Variants in RBM47 observed in about 807,000 individuals in gnomAD.
RBM47 encodes RNA-binding protein 47.
A neutral mutation model predicts 47.1 loss-of-function variants in RBM47; 21 were observed. The ratio of observed to expected loss-of-function variants is 0.45; its 90% CI spans 0.32 to 0.64. The LOEUF is 0.64. Among genes scored for constraint, RBM47 ranks in the 30% least tolerant of loss-of-function variants. The pLI is 0.05. For missense variants in RBM47, 708 were observed against 870.9 expected, an observed-to-expected ratio of 0.81 and a Z score of 2.35; for synonymous variants, 375 against 361.7, an observed-to-expected ratio of 1.04 and a Z score of -0.42.
intron 1 of RBM47, among the ~76,000 whole-genome samples, chr4:40,602,062 A>G (rs555021892): frequency 6.6e-6 from 1 of 152,072 alleles, no homozygotes; most frequent in East Asian, 1.9e-4. Context: ...CCAGCTACTC[A>G]GGGGCTGAGG....
At chr4:40,599,610 A>C (rs1735057687) in intron 1 of RBM47, among the ~76,000 whole-genome samples, 1 of 152,098 alleles carries the variant, frequency 6.6e-6, no homozygotes, top group African/African-American at 2.4e-5. Flanking sequence ...TTGAAATGTA[A>C]GAAGTCCAAC....
chr4:40,604,465 A>T (rs549511356), intron 1 of RBM47, among the ~76,000 whole-genome samples: 6 of 152,212 alleles, frequency 3.9e-5, no homozygotes, highest in African/African-American at 1.4e-4. Flanking sequence ...TGTCTAAAAA[A>T]TTGTTTTAAA....
At chr4:40,495,657 C>T (rs866595930) in intron 2 of RBM47, among the ~76,000 whole-genome samples, 16 of 151,934 alleles carry the variant, frequency 1.1e-4, no homozygotes, top group Admixed American at 6.6e-4. Flanking sequence ...CTGAAAAGGA[C>T]ATTTAATAAT....
intron 3 of RBM47, among the ~76,000 whole-genome samples, chr4:40,461,229 C>T (rs1717102381): frequency 6.6e-6 from 1 of 152,184 alleles, no homozygotes; most frequent in Non-Finnish European, 1.5e-5. Flanking sequence ...GTACTCTGTA[C>T]TTTCACTGAG....
intron 1 of RBM47, among the ~76,000 whole-genome samples, chr4:40,563,454 A>G (rs991269257): frequency 6.6e-6 from 1 of 152,194 alleles, no homozygotes; most frequent in African/African-American, 2.4e-5. Context: ...AGGATGACCC[A>G]TGGCCCGCAT....
intron 2 of RBM47, among the ~76,000 whole-genome samples, chr4:40,504,267 T>C (rs1723784026): frequency 6.6e-6 from 1 of 151,172 alleles, no homozygotes; most frequent in Non-Finnish European, 1.5e-5. Flanking sequence ...GGAAGGGAAA[T>C]GGTATCTCTC....
At chr4:40,528,711 G>C (rs1727016390) in intron 2 of RBM47, among the ~76,000 whole-genome samples, 1 of 152,138 alleles carries the variant, frequency 6.6e-6, no homozygotes, top group Non-Finnish European at 1.5e-5. Flanking sequence ...GTTGCAGTGA[G>C]CCGAGATCGT....
At chr4:40,535,693 G>A (rs537636326) in intron 2 of RBM47, among the ~76,000 whole-genome samples, 21 of 152,174 alleles carry the variant, frequency 1.4e-4, no homozygotes, top group Middle Eastern at 3.4e-3. Context: ...CCGAGTAGCT[G>A]GGATTACCAG....
chr4:40,519,158 C>A (rs1393967865), intron 2 of RBM47, among the ~76,000 whole-genome samples: 1 of 152,010 alleles, frequency 6.6e-6, no homozygotes, highest in African/African-American at 2.4e-5. Context: ...CTACAGTGAG[C>A]CAAGATCACA....
In RBM47 at chr4:40,496,329, A is replaced by AACAC. The variant is rs10597716; in HGVS notation, c.-154-29634_-154-29631dup. Among the ~76,000 whole-genome samples, 748 of 129,288 alleles carry AACAC rather than the reference A, an allele frequency of 5.8e-3. 6 individuals carry two copies. The highest frequency in any genetic ancestry group is 0.026 in the East Asian group (116 of 4,438). The allele number at this position is 129,288 out of a possible 152,430, so 84.8% of individuals were successfully genotyped here. The stretch of plus-strand genomic sequence containing the variant: ...TTCTGTATCTTGGCTGGAGAACTTA[A>AACAC]ACACACACACACACACACACACACA... On this transcript the variant is annotated intron_variant, in intron 2 of 6. Coordinates refer to ENST00000295971, the MANE Select transcript of RBM47 (RefSeq NM_001098634.2).
At chr4:40,552,053 A>T (rs749570685) in intron 1 of RBM47, among the ~76,000 whole-genome samples, 8 of 152,168 alleles carry the variant, frequency 5.3e-5, no homozygotes, top group Non-Finnish European at 1.0e-4. Context: ...CCATCTTTAT[A>T]CAAGACCTTG....
chr4:40,478,009 CTTTTTTTTTTTTT>C (rs1194806938), intron 2 of RBM47, among the ~76,000 whole-genome samples: 8 of 86,412 alleles, frequency 9.3e-5, no homozygotes, highest in African/African-American at 2.4e-4. Context: ...GTGGCATGTT[CTTTTTTTTTTTTT>C]TTTTTTTTTT....
At chr4:40,566,182 C>T (rs1489668346) in intron 1 of RBM47, among the ~76,000 whole-genome samples, 1 of 152,168 alleles carries the variant, frequency 6.6e-6, no homozygotes, top group East Asian at 1.9e-4. Context: ...AGTGGCTACA[C>T]ATTATTGAGG....
At position 40,584,681 on chromosome 4, in the gene RBM47, G is replaced by C. The variant is rs574804518; in HGVS notation, c.-239-40175C>G. 1.4e-4 allele frequency among the ~76,000 whole-genome samples: 21 copies of C among 152,150 alleles called. No individual in the cohort carries two copies. The South Asian group carries it at 4.4e-3, about 32-fold the overall frequency. On this transcript the variant is annotated intron_variant, in intron 1 of 6. Coordinates refer to ENST00000295971, the MANE Select transcript of RBM47 (RefSeq NM_001098634.2). ...AGATCTCACACACACACACCTACAT[G>C]TTGCCTCAAATGTACTTACAAGCTT...
In RBM47 at chr4:40,584,360, C is replaced by T. The variant is rs79348282; in HGVS notation, c.-239-39854G>A. Among the ~76,000 whole-genome samples the T allele has an allele frequency of 9.7e-3, 1,482 of 152,292 alleles. 34 individuals carry two copies. Among genetic ancestry groups the T allele is most frequent in the African/African-American group, 0.034 (1,425 of 41,550 alleles). On this transcript the variant is annotated intron_variant, in intron 1 of 6. Coordinates refer to ENST00000295971, the MANE Select transcript of RBM47 (RefSeq NM_001098634.2). Reference sequence around the variant, plus strand: ...GTGAGCCATGACATGGAAACTTCCACTCCAATCCATCAGACCAGTGTTGTC... The same window carrying T: ...GTGAGCCATGACATGGAAACTTCCATTCCAATCCATCAGACCAGTGTTGTC...
intron 2 of RBM47, among the ~76,000 whole-genome samples, chr4:40,470,233 CTGGT>C (rs1718653728): frequency 6.6e-6 from 1 of 152,128 alleles, no homozygotes; most frequent in South Asian, 2.1e-4. Context: ...GCCCCCCAGC[CTGGT>C]ACCCTGAAAT....
At chr4:40,600,255 C>T (rs929932239) in intron 1 of RBM47, among the ~76,000 whole-genome samples, 4 of 151,758 alleles carry the variant, frequency 2.6e-5, no homozygotes, top group Admixed American at 2.6e-4. Context: ...TCAAACAATC[C>T]TCCTGTCTCT....
intron 1 of RBM47, among the ~76,000 whole-genome samples, chr4:40,622,258 G>A (rs12331740): frequency 0.027 from 4,139 of 152,230 alleles, 205 homozygotes; most frequent in African/African-American, 0.093. Flanking sequence ...CAGAGGATGC[G>A]GGCAGGAAGG....
intron 1 of RBM47, among the ~76,000 whole-genome samples, chr4:40,608,111 A>G (rs78167787): frequency 0.11 from 16,553 of 152,168 alleles, 976 homozygotes; most frequent in South Asian, 0.12. Flanking sequence ...CCAAAAAAAA[A>G]AGGTGAATTT....
Sources: allele counts gnomAD v4.1 joint callset (sites outside exome capture counted in the v4.1 genomes callset), GRCh38; gene constraint gnomAD v4.1.1; transcripts MANE v1.5; gene names NCBI Gene and HGNC (gene_info 2026-07-23, HGNC 2026-07-21).